ATP2B2: variants seen among roughly 807,000 people sequenced by gnomAD.
ATP2B2 encodes the protein plasma membrane calcium-transporting ATPase 2.
Under a neutral mutation model 120.0 loss-of-function variants are expected in ATP2B2, and 15 were observed. The ratio of observed to expected loss-of-function variants is 0.12; its 90% CI spans 0.08 to 0.19. The LOEUF (loss-of-function observed/expected upper bound fraction) is 0.19, where lower values mean the gene tolerates loss of function less well. ATP2B2 is among the 10% of genes least tolerant of loss of function. ATP2B2 has a pLI of 1.00. For synonymous variants in ATP2B2, 694 were observed against 700.3 expected, an observed-to-expected ratio of 0.99 and a Z score of 0.14; for missense variants, 1,045 against 1,719.8, an observed-to-expected ratio of 0.61 and a Z score of 6.94.
rs141472725 is a variant in ATP2B2 at position 10,613,735 on chromosome 3, C to T, written c.-415+6182G>A. Among the ~76,000 whole-genome samples the T allele has an allele frequency of 3.3e-3, 508 of 152,158 alleles. 2 individuals carry two copies. Among genetic ancestry groups the T allele is most frequent in the African/African-American group, 0.011 (454 of 41,496 alleles). The stretch of plus-strand genomic sequence containing the variant: ...ATAATGGTAACATTCTCCCTGCTTC[C>T]GCCCTTGCCCCCTGCAGCAGACTCT... On this transcript the variant is annotated intron_variant, in intron 2 of 21. Transcript: ENST00000646379.
chr3:10,628,555 T>TAGTAGGGCGTCCATGC (rs2069772634), intron 1 of ATP2B2, among the ~76,000 whole-genome samples: 1 of 152,236 alleles, frequency 6.6e-6, no homozygotes, highest in Non-Finnish European at 1.5e-5. Flanking sequence ...GCAGGACATG[T>TAGTAGGGCGTCCATGC]AGTAGGGCGT....
intron 14 of ATP2B2, among the ~76,000 whole-genome samples, chr3:10,355,305 T>A (rs910152495): frequency 2.6e-5 from 4 of 152,112 alleles, no homozygotes; most frequent in African/African-American, 9.7e-5. Context: ...GGGGCAGAAT[T>A]AGAACCCATG....
intron 1 of ATP2B2, among the ~76,000 whole-genome samples, chr3:10,471,395 T>C (rs1217034758): frequency 1.5e-5 from 2 of 133,734 alleles, no homozygotes; most frequent in African/African-American, 6.3e-5. Context: ...TGTGTGTGTG[T>C]GTGTTTGTGT....
chr3:10,339,198 G>C (rs2060209475), intron 21 of ATP2B2, among the ~76,000 whole-genome samples: 1 of 152,220 alleles, frequency 6.6e-6, no homozygotes, highest in Admixed American at 6.5e-5. Flanking sequence ...CTCCTGTAGG[G>C]GGTGGGCCCC....
chr3:10,644,405 C>G (rs1179405165), intron 1 of ATP2B2, among the ~76,000 whole-genome samples: 1 of 152,158 alleles, frequency 6.6e-6, no homozygotes, highest in Non-Finnish European at 1.5e-5. Flanking sequence ...AATTCCACTG[C>G]TAGGTATATG....
At chr3:10,541,051 G>A (rs1305326211) in intron 2 of ATP2B2, among the ~76,000 whole-genome samples, 1 of 152,110 alleles carries the variant, frequency 6.6e-6, no homozygotes, top group Non-Finnish European at 1.5e-5. Flanking sequence ...TATATGTGCA[G>A]AGTTGTTCAT....
At chr3:10,683,760 G>GTGTGTGTGTGTGTATA (rs1446781892) in intron 1 of ATP2B2, among the ~76,000 whole-genome samples, 1 of 53,914 alleles carries the variant, frequency 1.9e-5, no homozygotes, top group South Asian at 9.5e-4. Flanking sequence ...GTGTGTGTGT[G>GTGTGTGTGTGTGTATA]TATATATATA....
At chr3:10,510,343 A>G (rs959620152), upstream of ATP2B2, among the ~76,000 whole-genome samples, 1 of 152,202 alleles carries the variant, frequency 6.6e-6, no homozygotes, top group Admixed American at 6.5e-5. Context: ...CATTTTACCG[A>G]TGAGGAAACT....
chr3:10,563,405 C>A (rs917143263), intron 2 of ATP2B2, among the ~76,000 whole-genome samples: 2 of 152,260 alleles, frequency 1.3e-5, no homozygotes, highest in Admixed American at 6.5e-5. Context: ...TAGGCCACAA[C>A]AAAACTGCTC....
At chr3:10,403,909 G>A (rs535969859) in intron 3 of ATP2B2, among the ~76,000 whole-genome samples, 33 of 152,342 alleles carry the variant, frequency 2.2e-4, no homozygotes, top group African/African-American at 7.2e-4. Flanking sequence ...TCTGCCATGT[G>A]TTTGCCAAAG....
intron 2 of ATP2B2, among the ~76,000 whole-genome samples, chr3:10,561,614 G>A (rs953425226): frequency 6.6e-6 from 1 of 152,182 alleles, no homozygotes; most frequent in African/African-American, 2.4e-5. Context: ...ATGTGTTGTG[G>A]GAGGGACCTA....
At chr3:10,701,754 C>G (rs1303083974) in intron 1 of ATP2B2, among the ~76,000 whole-genome samples, 1 of 152,060 alleles carries the variant, frequency 6.6e-6, no homozygotes, top group Non-Finnish European at 1.5e-5. Context: ...CTGCGAAATG[C>G]CCAGCCTTAC....
chr3:10,478,506 G>A (rs999263087), intron 1 of ATP2B2, among the ~76,000 whole-genome samples: 1 of 152,118 alleles, frequency 6.6e-6, no homozygotes, highest in Non-Finnish European at 1.5e-5. Context: ...TGTGTGTGGT[G>A]TGAGGTAGGG....
At chr3:10,489,844 A>G (rs972116710) in intron 1 of ATP2B2, among the ~76,000 whole-genome samples, 3 of 152,184 alleles carry the variant, frequency 2.0e-5, no homozygotes, top group Non-Finnish European at 4.4e-5. Flanking sequence ...TAAAGGGCCA[A>G]TCTGGCCACA....
chr3:10,555,741 C>T (rs555264558), intron 2 of ATP2B2, among the ~76,000 whole-genome samples: 3 of 152,298 alleles, frequency 2.0e-5, no homozygotes, highest in Admixed American at 2.0e-4. Flanking sequence ...GGAAGGGTTC[C>T]TTACAGGGTC....
chr3:10,419,719 C>G (rs1282881559), intron 2 of ATP2B2, among the ~76,000 whole-genome samples: 2 of 152,224 alleles, frequency 1.3e-5, no homozygotes, highest in Admixed American at 1.3e-4. Flanking sequence ...GATGCACACA[C>G]TGAGGCACAG....
intron 5 of ATP2B2, among the ~76,000 whole-genome samples, chr3:10,397,258 G>T (rs781297752): frequency 2.0e-5 from 3 of 152,238 alleles, no homozygotes; most frequent in Non-Finnish European, 4.4e-5. Context: ...GCTCAGACCT[G>T]CGTGGGCAAG....
chr3:10,388,963 T>A (rs2124879403), intron 5 of ATP2B2, among the ~76,000 whole-genome samples: 1 of 152,208 alleles, frequency 6.6e-6, no homozygotes, highest in East Asian at 1.9e-4. Context: ...ATATAATTGG[T>A]TTCCTTTGTG....
chr3:10,379,695 G>A lies in ATP2B2; in HGVS notation c.1001-411C>T, dbSNP rs572976889. Among the ~76,000 whole-genome samples the A allele has an allele frequency of 1.2e-4, 19 of 152,210 alleles. No homozygotes were observed. The East Asian group carries it at 3.7e-3, about 29-fold the overall frequency. The stretch of plus-strand genomic sequence containing the variant: ...TTTTCTGGGTTGAGAGAAGGCAAAG[G>A]GAAGCTTGTTCAGTTACGTCCTTTT... On this transcript the variant is annotated intron_variant, in intron 8 of 22. Coordinates refer to ENST00000360273, the MANE Select transcript of ATP2B2 (RefSeq NM_001001331.4).
Sources: gnomAD v4.1 joint callset for allele counts (sites outside exome capture counted in the v4.1 genomes callset) on GRCh38, gnomAD v4.1.1 for gene constraint, MANE v1.5 for transcripts, NCBI Gene and HGNC (gene_info 2026-07-23, HGNC 2026-07-21) for gene names.